Variants in TAFA2 observed in about 807,000 individuals in gnomAD.
TAFA2 encodes TAFA chemokine like family member 2, also known as chemokine-like protein TAFA-2.
Under a neutral mutation model 18.8 loss-of-function variants are expected in TAFA2, and 7 were observed. The observed-to-expected ratio is 0.37, with a 90% CI of 0.21 to 0.70. The LOEUF (loss-of-function observed/expected upper bound fraction) is 0.70. Among genes scored for constraint, TAFA2 ranks in the 30% least tolerant of loss-of-function variants. The probability of loss-of-function intolerance (pLI) is 0.53; values close to 1 mark genes in which losing one functional copy is unlikely to be tolerated. For missense variants in TAFA2, 122 were observed against 158.1 expected (o/e 0.77, Z 1.23); for synonymous variants, 60 against 54.2 (o/e 1.11, Z -0.47).
chr12:62,017,197 T>C (rs1880966235), intron 1 of TAFA2, among the ~76,000 whole-genome samples: 1 of 151,044 alleles, frequency 6.6e-6, no homozygotes, highest in South Asian at 2.1e-4. Flanking sequence ...CAACTTTATA[T>C]CATTGTTTTG....
chr12:61,982,078 G>A (rs1041032706), intron 1 of TAFA2, among the ~76,000 whole-genome samples: 4 of 152,102 alleles, frequency 2.6e-5, no homozygotes, highest in African/African-American at 9.7e-5. Flanking sequence ...AAGAAAATGT[G>A]GCACATATAT....
chr12:62,160,323 G>T (rs1215165910), intron 1 of TAFA2, among the ~76,000 whole-genome samples: 2 of 152,136 alleles, frequency 1.3e-5, no homozygotes, highest in Admixed American at 6.5e-5. Flanking sequence ...TTTTTACAAA[G>T]GTCCAATGTT....
chr12:61,915,231 C>T (rs1876773648), intron 1 of TAFA2, among the ~76,000 whole-genome samples: 1 of 152,156 alleles, frequency 6.6e-6, no homozygotes, highest in South Asian at 2.1e-4. Context: ...ACTTTCTTTA[C>T]AATTCTCTTT....
chr12:62,045,205 T>G (rs1047925229), intron 1 of TAFA2, among the ~76,000 whole-genome samples: 1 of 152,154 alleles, frequency 6.6e-6, no homozygotes, highest in African/African-American at 2.4e-5. Flanking sequence ...ACAATTAAAT[T>G]GATTTCATTC....
intron 1 of TAFA2, among the ~76,000 whole-genome samples, chr12:62,058,296 A>G (rs890920088): frequency 2.0e-5 from 3 of 152,178 alleles, no homozygotes; most frequent in African/African-American, 7.2e-5. Flanking sequence ...TAACCTAAGG[A>G]GTAGAATCTT....
chr12:61,806,984 A>T (rs1341743575), intron 2 of TAFA2, among the ~76,000 whole-genome samples: 7 of 152,226 alleles, frequency 4.6e-5, no homozygotes, highest in African/African-American at 1.7e-4. Context: ...ATAATGCGAT[A>T]GAAAAGAAAA....
At chr12:61,976,756 C>T (rs559440197) in intron 1 of TAFA2, among the ~76,000 whole-genome samples, 1 of 152,124 alleles carries the variant, frequency 6.6e-6, no homozygotes, top group Non-Finnish European at 1.5e-5. Flanking sequence ...CCAATTCCCA[C>T]CTATGAGTAA....
At chr12:62,128,569 C>T (rs184513769) in intron 1 of TAFA2, among the ~76,000 whole-genome samples, 13 of 152,140 alleles carry the variant, frequency 8.5e-5, no homozygotes, top group African/African-American at 2.9e-4. Context: ...CCCCACCACT[C>T]CTGTTCCGCT....
At chr12:61,779,554 C>A (rs1332072449) in intron 2 of TAFA2, among the ~76,000 whole-genome samples, 1 of 151,792 alleles carries the variant, frequency 6.6e-6, no homozygotes, top group Non-Finnish European at 1.5e-5. Context: ...TAAAGCCTAC[C>A]TTTGCTAACT....
At chr12:62,085,465 AAATT>A (rs1186126525) in intron 1 of TAFA2, among the ~76,000 whole-genome samples, 1 of 152,148 alleles carries the variant, frequency 6.6e-6, no homozygotes. Flanking sequence ...AATATTAATT[AAATT>A]AATTAATTAA....
chr12:61,893,599 A>C (rs529971243), intron 1 of TAFA2, among the ~76,000 whole-genome samples: 129 of 152,306 alleles, frequency 8.5e-4, no homozygotes, highest in African/African-American at 2.9e-3. Context: ...TTTGAATAGC[A>C]GTGGAGACAA....
intron 1 of TAFA2, among the ~76,000 whole-genome samples, chr12:61,989,378 C>G (rs962384609): frequency 2.0e-5 from 3 of 151,032 alleles, no homozygotes; most frequent in Non-Finnish European, 4.4e-5. Context: ...CTGGTCCCCC[C>G]CACTTACTCC....
chr12:62,099,635 A>G (rs894141399), intron 1 of TAFA2, among the ~76,000 whole-genome samples: 1 of 152,164 alleles, frequency 6.6e-6, no homozygotes, highest in African/African-American at 2.4e-5. Flanking sequence ...TTGAGAATGG[A>G]GCATTTTAGA....
At chr12:61,874,422 A>G (rs1185781891) in intron 1 of TAFA2, among the ~76,000 whole-genome samples, 1 of 152,166 alleles carries the variant, frequency 6.6e-6, no homozygotes, top group African/African-American at 2.4e-5. Context: ...TTTACCCAAG[A>G]AAGCTGCATT....
intron 1 of TAFA2, among the ~76,000 whole-genome samples, chr12:62,249,571 TTTC>T (rs1361608536): frequency 6.6e-6 from 1 of 152,152 alleles, no homozygotes; most frequent in Admixed American, 6.6e-5. Flanking sequence ...TGTGCCTCAG[TTTC>T]TTCCTCTTTG....
chr12:62,130,395 G>C (rs1870633110), intron 1 of TAFA2, among the ~76,000 whole-genome samples: 1 of 151,888 alleles, frequency 6.6e-6, no homozygotes, highest in Non-Finnish European at 1.5e-5. Flanking sequence ...TAATGAAATT[G>C]AAATACACAA....
chr12:61,996,341 C>A (rs1039626568), intron 1 of TAFA2, among the ~76,000 whole-genome samples: 1 of 108,632 alleles, frequency 9.2e-6, no homozygotes, highest in Non-Finnish European at 1.9e-5. Flanking sequence ...CTCCCACAAC[C>A]CTTTTTACTC....
At chr12:62,075,553 T>C (rs1415847855) in intron 1 of TAFA2, among the ~76,000 whole-genome samples, 1 of 152,142 alleles carries the variant, frequency 6.6e-6, no homozygotes, top group East Asian at 1.9e-4. Context: ...TAGACAACTA[T>C]AAGGAGTGAA....
chr12:61,807,282 G>C (rs1282208335), intron 2 of TAFA2, among the ~76,000 whole-genome samples: 1 of 151,414 alleles, frequency 6.6e-6, no homozygotes, highest in Non-Finnish European at 1.5e-5. Flanking sequence ...CATGGTTTCA[G>C]AGGGTGCAAG....
Sources: allele counts gnomAD v4.1 joint callset (sites outside exome capture counted in the v4.1 genomes callset), GRCh38; gene constraint gnomAD v4.1.1; transcripts MANE v1.5; gene names NCBI Gene and HGNC (gene_info 2026-07-23, HGNC 2026-07-21).